Variants in ZZEF1 observed in about 807,000 individuals in gnomAD.
The protein encoded by ZZEF1 is zinc finger ZZ-type and EF-hand domain containing 1.
A neutral mutation model predicts 342.8 loss-of-function variants in ZZEF1; 157 were observed. The observed-to-expected ratio is 0.46, with a 90% CI of 0.40 to 0.52. ZZEF1 has a LOEUF of 0.52. Among genes scored for constraint, ZZEF1 ranks in the 20% least tolerant of loss-of-function variants. ZZEF1 has a pLI of 0.00. For synonymous variants in ZZEF1, 1,505 were observed against 1,429.1 expected (o/e 1.05, Z -1.20); for missense variants, 3,480 against 3,725.6 (o/e 0.93, Z 1.72).
In ZZEF1 at chr17:4,117,736, A is replaced by G. The variant is rs114523890; in HGVS notation, c.500-570T>C. Among the ~76,000 whole-genome samples, 549 of 152,038 alleles carry G rather than the reference A, an allele frequency of 3.6e-3. 2 individuals carry two copies. Among genetic ancestry groups the G allele is most frequent in the African/African-American group, 0.012 (515 of 41,438 alleles). Reference sequence around the variant, plus strand: ...GAATAACGATTTTTTGTTTCAATCCAATCTTCAAAAATGTATAAGCACTTA... The same window carrying G: ...GAATAACGATTTTTTGTTTCAATCCGATCTTCAAAAATGTATAAGCACTTA... On this transcript the variant is annotated intron_variant, in intron 2 of 54. Transcript: ENST00000381638.
At chr17:4,051,322 G>GT (rs2057041237) in intron 35 of ZZEF1, among the ~76,000 whole-genome samples, 1 of 152,216 alleles carries the variant, frequency 6.6e-6, no homozygotes, top group African/African-American at 2.4e-5. Flanking sequence ...GGAAGGTGTG[G>GT]TAATAGCATT....
intron 8 of ZZEF1, among the ~76,000 whole-genome samples, chr17:4,102,954 CTTTTG>C (rs1414748130): frequency 6.6e-6 from 1 of 151,944 alleles, no homozygotes; most frequent in African/African-American, 2.4e-5. Context: ...AAATGTTTTC[CTTTTG>C]TTTTAATAAT....
chr17:4,008,981 G>A lies in ZZEF1; in HGVS notation c.8734-27C>T, dbSNP rs993662817. 2.0e-6 allele frequency: 3 copies of A among 1,537,692 alleles called. No homozygotes were observed. Among genetic ancestry groups the A allele is most frequent in the African/African-American group, 1.4e-5 (1 of 73,058 alleles). On this transcript the variant is annotated intron_variant, in intron 53 of 54. Transcript: ENST00000381638. This position sits in a 1 kb window ranked among gnomAD's most constrained non-coding sequence, Gnocchi z 4.2. ...TGCAGAGAGAGAGCAGGGGCTGTGA[G>A]TGACAGCGCCAGATGCGCAGTGCAG...
chr17:4,101,099 G>A (rs1302564369), intron 9 of ZZEF1, among the ~76,000 whole-genome samples: 1 of 152,152 alleles, frequency 6.6e-6, no homozygotes, highest in Admixed American at 6.5e-5. Context: ...AAACGTTTCT[G>A]CACAGGCTGA....
chr17:4,074,784 A>C (rs1182095996), intron 23 of ZZEF1, among the ~76,000 whole-genome samples: 1 of 152,230 alleles, frequency 6.6e-6, no homozygotes, highest in Non-Finnish European at 1.5e-5. Context: ...TAGACCCACC[A>C]GCACTTCTTG....
At chr17:4,039,809 A>C (rs1054705998) in intron 39 of ZZEF1, among the ~76,000 whole-genome samples, 1 of 151,718 alleles carries the variant, frequency 6.6e-6, no homozygotes, top group African/African-American at 2.4e-5. Flanking sequence ...ACGCCTGGCT[A>C]ATTTTTTTGT....
chr17:4,039,320 A>C (rs917553472), intron 39 of ZZEF1, among the ~76,000 whole-genome samples: 1 of 151,660 alleles, frequency 6.6e-6, no homozygotes, highest in Non-Finnish European at 1.5e-5. Context: ...AAACACAAAA[A>C]TCAGCTGGGC....
At chr17:4,040,061 A>C (rs973019761) in intron 39 of ZZEF1, among the ~76,000 whole-genome samples, 4 of 152,048 alleles carry the variant, frequency 2.6e-5, no homozygotes, top group Admixed American at 1.3e-4. Flanking sequence ...ATATTTAGGC[A>C]AAAAAAATCA....
intron 1 of ZZEF1, among the ~76,000 whole-genome samples, chr17:4,127,167 A>T (rs534711962): frequency 6.6e-6 from 1 of 152,022 alleles, no homozygotes; most frequent in African/African-American, 2.4e-5. Flanking sequence ...CACCTGGCTG[A>T]TCCTTTAATT....
At chr17:4,040,009 G>A (rs981784117) in intron 39 of ZZEF1, among the ~76,000 whole-genome samples, 2 of 151,754 alleles carry the variant, frequency 1.3e-5, no homozygotes, top group Admixed American at 1.3e-4. Context: ...ATTTTGACAC[G>A]GTCTAATGAA....
intron 6 of ZZEF1, 32 bp downstream of exon 6, chr17:4,109,621 G>A (rs1429794413): frequency 6.2e-7 from 1 of 1,608,056 alleles, no homozygotes; most frequent in Non-Finnish European, 8.5e-7. Context: ...AGGGCATGTT[G>A]AGGGGGCTGG....
chr17:4,105,856 A>G, intron 6 of ZZEF1, 47 bp from the exon 7 acceptor site: 1 of 1,474,922 alleles, frequency 6.8e-7, no homozygotes, highest in Non-Finnish European at 9.3e-7. Flanking sequence ...ACCAGACCGA[A>G]TTTAGACAAA....
chr17:4,050,938 G>A lies in ZZEF1; in HGVS notation c.5706C>T (p.Leu1902=). The A allele has an allele frequency of 6.2e-7, 1 of 1,614,242 alleles. No homozygotes were observed. Among genetic ancestry groups the A allele is most frequent in the African/African-American group, 1.3e-5 (1 of 75,074 alleles). The change falls in exon 36 of 55, where the codon CTC becomes CTT. Residue 1902 remains leucine, a synonymous_variant. Transcript: ENST00000381638. The part of the protein sequence containing the change: ...QPYIHNYSWL[L]FAALALYSAH... ...CGCTATAGAGAGCCAGGGCAGCAAA[G>A]AGCAGCCAGGAGTAGTTATGGATAT...
At chr17:4,095,146 A>C (rs935951213) in intron 11 of ZZEF1, among the ~76,000 whole-genome samples, 14 of 152,080 alleles carry the variant, frequency 9.2e-5, no homozygotes, top group East Asian at 1.9e-4. Flanking sequence ...CGTTCCTTCA[A>C]TGTGCCATGC....
chr17:4,018,436 T>A (rs999675944), intron 46 of ZZEF1, among the ~76,000 whole-genome samples: 25 of 152,038 alleles, frequency 1.6e-4, no homozygotes, highest in Non-Finnish European at 1.5e-5. Context: ...CCTTTTTTTT[T>A]TAAATTTAAC....
intron 37 of ZZEF1, 57 bp from the exon 38 acceptor site, chr17:4,044,431 GATT>G (rs1290685932): frequency 2.0e-6 from 3 of 1,508,946 alleles, no homozygotes; most frequent in African/African-American, 2.8e-5. Context: ...TTTGCTCCAT[GATT>G]ATGATAACTT....
chr17:4,017,610 C>T lies in ZZEF1; in HGVS notation c.7762G>A (p.Ala2588Thr), dbSNP rs533316949. ...TTCAGCTCCTTGTGCAGGAGGGCGG[C>T]GCTCTTGCTACGGCGCTGCTTGGCA... Reference protein sequence around the residue: ...SYAKQRRSKSAALLHKELNCK... With the variant: ...SYAKQRRSKSTALLHKELNCK... The change falls in exon 48 of 55, where the codon GCC becomes ACC. Residue 2588 changes from alanine to threonine, a missense_variant. Physicochemically the swap from Ala to Thr is moderately conservative, Grantham distance 58. Around this residue, in one of 5 missense-constraint regions of ZZEF1, gnomAD observed 1,269 missense variants for 1,342.4 expected, o/e 0.95. Coordinates refer to ENST00000381638, the MANE Select transcript of ZZEF1 (RefSeq NM_015113.4). This position sits in a 1 kb window ranked among gnomAD's most constrained non-coding sequence, Gnocchi z 5.1. 2.2e-5 allele frequency: 36 copies of T among 1,614,238 alleles called. No individual in the cohort carries two copies. Among genetic ancestry groups the T allele is most frequent in the African/African-American group, 1.1e-4 (8 of 75,070 alleles).
intron 8 of ZZEF1, 111 bp from the exon 9 acceptor site, chr17:4,102,526 A>T: frequency 2.3e-6 from 2 of 864,098 alleles, no homozygotes; most frequent in South Asian, 3.1e-5. Context: ...GCTAACTAAA[A>T]ATCTCCCTGT....
In ZZEF1 at chr17:4,083,334, T is replaced by A. The variant is rs532210389; in HGVS notation, c.2647-830A>T. 9.3e-4 allele frequency among the ~76,000 whole-genome samples: 142 copies of A among 152,214 alleles called. 1 individual carries two copies. Among genetic ancestry groups the A allele is most frequent in the Non-Finnish European group, 1.8e-3 (121 of 68,040 alleles). On this transcript the variant is annotated intron_variant, in intron 16 of 54. Transcript: ENST00000381638. The stretch of plus-strand genomic sequence containing the variant: ...TTTGCTCAGCTACCTGGTAAACACT[T>A]GCACCAAACAAGTAGGATAGAGACC...
Sources: gnomAD v4.1 joint callset for allele counts (sites outside exome capture counted in the v4.1 genomes callset) on GRCh38, gnomAD v4.1.1 for gene constraint, gnomAD v4.1.1 regional missense constraint, Gnocchi (gnomAD v3.1) non-coding constraint, MANE v1.5 for transcripts, NCBI Gene and HGNC (gene_info 2026-07-23, HGNC 2026-07-21) for gene names.